ZNF462: variants seen among roughly 807,000 people sequenced by gnomAD.
ZNF462 encodes the protein zinc finger protein 462.
A neutral mutation model predicts 201.9 loss-of-function variants in ZNF462; 10 were observed. The observed-to-expected ratio is 0.05, with a 90% CI of 0.03 to 0.08. The LOEUF is 0.08. ZNF462 is among the 10% of genes least tolerant of loss of function. The probability of loss-of-function intolerance (pLI) is 1.00; values close to 1 mark genes in which losing one functional copy is unlikely to be tolerated. For missense variants in ZNF462, 2,523 were observed against 3,168.3 expected (o/e 0.80, Z 4.89); for synonymous variants, 1,227 against 1,193.3 (o/e 1.03, Z -0.58).
chr9:106,953,188 G>C (rs1831428870), intron 7 of ZNF462, among the ~76,000 whole-genome samples: 1 of 152,192 alleles, frequency 6.6e-6, no homozygotes. Flanking sequence ...TAAACTGCTA[G>C]ACTCAGTGTT....
intron 1 of ZNF462, among the ~76,000 whole-genome samples, chr9:106,868,807 T>C (rs1156543482): frequency 6.6e-6 from 1 of 152,186 alleles, no homozygotes; most frequent in Non-Finnish European, 1.5e-5. Flanking sequence ...GGTTGTGAAA[T>C]AGCTGCTCTC....
chr9:107,000,477 G>C (rs909272315), intron 10 of ZNF462, among the ~76,000 whole-genome samples: 3 of 152,146 alleles, frequency 2.0e-5, no homozygotes, highest in South Asian at 4.2e-4. Flanking sequence ...ATGTGGAAAA[G>C]AGTCTTCCTT....
rs527952287 is a variant in ZNF462, at chr9:106,977,935, A to G, written c.6832+3662A>G. ...TGTTGACAGAGCTGTGTTTCCTCTG[A>G]AGGCACAAGAGAAGGATCCTTATTT... On this transcript the variant is annotated intron_variant, in intron 9 of 12. Coordinates refer to ENST00000277225, the MANE Select transcript of ZNF462 (RefSeq NM_021224.6). This position sits in a 1 kb window ranked among gnomAD's most constrained non-coding sequence, Gnocchi z 4.6. Among the ~76,000 whole-genome samples the G allele has an allele frequency of 2.0e-5, 3 of 151,714 alleles. No individual in the cohort carries two copies. The East Asian group carries it at 5.8e-4, about 29-fold the overall frequency.
Position 106,920,929 on chromosome 9 carries a change from T to C in ZNF462, c.-30-2425T>C, listed in dbSNP as rs1829964982. On this transcript the variant is annotated intron_variant, in intron 1 of 12. Transcript: ENST00000277225. The surrounding 1 kb of genome is among the most constrained non-coding windows in gnomAD (Gnocchi z 4.3). ...GCATTATTTCTAAAGGCTTGAAGTT[T>C]TGAAGGGAAGAGATTTTGTTTTCCT... Among the ~76,000 whole-genome samples, 1 of 152,166 alleles carries C rather than the reference T, an allele frequency of 6.6e-6. No individual in the cohort carries two copies. Among genetic ancestry groups the C allele is most frequent in the Non-Finnish European group, 1.5e-5 (1 of 68,032 alleles).
chr9:106,919,582 G>T lies in ZNF462; in HGVS notation c.-30-3772G>T, dbSNP rs954302808. Among the ~76,000 whole-genome samples, 1 of 152,130 alleles carries T rather than the reference G, an allele frequency of 6.6e-6. No homozygotes were observed. The highest frequency in any genetic ancestry group is 1.5e-5 in the Non-Finnish European group (1 of 68,020). The stretch of plus-strand genomic sequence containing the variant: ...AAGAGTTTGTCAAACATAAACAATT[G>T]GATTGTGGGTTTGCCCATCAAAACC... On this transcript the variant is annotated intron_variant, in intron 1 of 12. Transcript: ENST00000277225. The surrounding 1 kb of genome is among the most constrained non-coding windows in gnomAD (Gnocchi z 4.5).
chr9:107,006,693 G>A lies in ZNF462; in HGVS notation c.7190-2852G>A, dbSNP rs1399904064. Among the ~76,000 whole-genome samples, 1 of 151,990 alleles carries A rather than the reference G, an allele frequency of 6.6e-6. No individual in the cohort carries two copies. The highest frequency in any genetic ancestry group is 1.5e-5 in the Non-Finnish European group (1 of 68,022). ...ACTCACCCTCCTACCATGATGCCAG[G>A]GCTAAAGACTATGGGTTTGCGAAGG... On this transcript the variant is annotated intron_variant, in intron 11 of 12. Transcript: ENST00000277225. The surrounding 1 kb of genome is among the most constrained non-coding windows in gnomAD (Gnocchi z 4.3).
At chr9:106,907,614 T>C (rs1211395968) in intron 1 of ZNF462, among the ~76,000 whole-genome samples, 1 of 152,072 alleles carries the variant, frequency 6.6e-6, no homozygotes, top group Non-Finnish European at 1.5e-5. Flanking sequence ...ACTCCCTTTT[T>C]GTTGTTAATT....
In ZNF462 at chr9:106,938,183, G is replaced by A. The variant is rs148540041; in HGVS notation, c.6236-733G>A. Reference sequence around the variant, plus strand: ...TGGCATAAAATTAATTTTAAAAGTAGTGCTTATTTTTACTGAGAGGCAGTC... The same window carrying A: ...TGGCATAAAATTAATTTTAAAAGTAATGCTTATTTTTACTGAGAGGCAGTC... On this transcript the variant is annotated intron_variant, in intron 6 of 12. Coordinates refer to ENST00000277225, the MANE Select transcript of ZNF462 (RefSeq NM_021224.6). This position sits in a 1 kb window ranked among gnomAD's most constrained non-coding sequence, Gnocchi z 4.4. Among the ~76,000 whole-genome samples the A allele has an allele frequency of 6.9e-3, 1,058 of 152,290 alleles. 18 individuals carry two copies. Among genetic ancestry groups the A allele is most frequent in the African/African-American group, 0.024 (1,005 of 41,548 alleles).
Position 106,925,609 on chromosome 9 carries a change from C to T in ZNF462, c.1697C>T (p.Pro566Leu). ...CAGCCACTGCAGCAGCCACAGCCAC[C>T]ACAGCTGCAGCCACCACATCAGGTG... ...QPQPLQQPQP[P>L]QLQPPHQVPP... Residue 566 changes from proline to leucine, a missense_variant, in exon 3 of 13, where the codon CCA (proline) becomes CTA (leucine). By Grantham distance (98) the Pro-to-Leu change is moderately conservative. Transcript: ENST00000277225. This position sits in a 1 kb window ranked among gnomAD's most constrained non-coding sequence, Gnocchi z 7.9. 1.9e-6 allele frequency: 3 copies of T among 1,612,524 alleles called. No individual in the cohort carries two copies. The highest frequency in any genetic ancestry group is 2.2e-5 in the East Asian group (1 of 44,882).
At chr9:106,943,720 C>T (rs1349507323) in intron 7 of ZNF462, among the ~76,000 whole-genome samples, 2 of 152,136 alleles carry the variant, frequency 1.3e-5, no homozygotes, top group Non-Finnish European at 2.9e-5. Flanking sequence ...CCAATATGGA[C>T]AGTTAGGTAA....
chr9:106,940,017 G>A (rs550949599), intron 7 of ZNF462, among the ~76,000 whole-genome samples: 1 of 152,274 alleles, frequency 6.6e-6, no homozygotes, highest in Non-Finnish European at 1.5e-5. Flanking sequence ...AGGAATGACT[G>A]TCTCCCAAGA....
rs1463513657 is a variant in ZNF462, at chr9:106,924,247, T to A, written c.335T>A (p.Phe112Tyr). 17 of 1,614,024 alleles carry A rather than the reference T, an allele frequency of 1.1e-5. No homozygotes were observed. Among genetic ancestry groups the A allele is most frequent in the Non-Finnish European group, 1.4e-5 (16 of 1,180,034 alleles). ...ACAAACAAGTTTTTTCAATGCAAGT[T>A]CTGTGTACGCTACTTCAGGTCAAAA... ...KPTNKFFQCKFCVRYFRSKNL... is the reference protein window; with the variant it reads ...KPTNKFFQCKYCVRYFRSKNL... Residue 112 changes from phenylalanine (F) to tyrosine (Y), a missense_variant, in exon 3 of 13, where the codon TTC becomes TAC. Transcript: ENST00000277225. This position sits in a 1 kb window ranked among gnomAD's most constrained non-coding sequence, Gnocchi z 6.2.
At chr9:106,878,603 A>G (rs1641461750) in intron 1 of ZNF462, among the ~76,000 whole-genome samples, 1 of 152,166 alleles carries the variant, frequency 6.6e-6, no homozygotes, top group South Asian at 2.1e-4. Context: ...TCTCTATCAC[A>G]GTTGTGTTAG....
intron 1 of ZNF462, among the ~76,000 whole-genome samples, chr9:106,922,173 G>A (rs1393921068): frequency 2.0e-5 from 3 of 152,142 alleles, no homozygotes; most frequent in Non-Finnish European, 2.9e-5. Flanking sequence ...CATTGGCTAC[G>A]GTGTTAGTTC....
rs1287817144 is a variant in ZNF462, at chr9:106,913,604, AC to A, written c.-30-9749del. On this transcript the variant is annotated intron_variant, in intron 1 of 12. Coordinates refer to ENST00000277225, the MANE Select transcript of ZNF462 (RefSeq NM_021224.6). This position sits in a 1 kb window ranked among gnomAD's most constrained non-coding sequence, Gnocchi z 4.1. ...TCAGAGGTCACATGCTAAAGACTTA[AC>A]TTTTTTTTTTTTGAGACAATCTCAT... Among the ~76,000 whole-genome samples the A allele has an allele frequency of 7.1e-6, 1 of 141,552 alleles. No homozygotes were observed. The highest frequency in any genetic ancestry group is 1.5e-5 in the Non-Finnish European group (1 of 66,200). 92.9% of individuals were successfully genotyped at this position (141,552 alleles called of 152,430 possible).
Position 107,010,896 on chromosome 9 carries a change from A to T in ZNF462, c.7387A>T (p.Met2463Leu). 6.2e-7 allele frequency: 1 copy of T among 1,613,686 alleles called. No homozygotes were observed. Among genetic ancestry groups the T allele is most frequent in the Non-Finnish European group, 8.5e-7 (1 of 1,179,834 alleles). ...AGAGATCATGGAGAACAGTGTTAAA[A>T]TGCCCTCCATAGAGGAAAAGGAAGA... Reference protein sequence around the residue: ...PKEIMENSVKMPSIEEKEDDE... With the variant: ...PKEIMENSVKLPSIEEKEDDE... The change falls in exon 13 of 13, where the codon ATG (methionine) becomes TTG (leucine). Residue 2463 changes from methionine (M) to leucine (L), a missense_variant. This residue lies in a region of ZNF462 where 67 missense variants were observed against 63.2 expected (regional missense o/e 1.06). Transcript: ENST00000277225. This position sits in a 1 kb window ranked among gnomAD's most constrained non-coding sequence, Gnocchi z 4.6.
rs746669103 is a variant in ZNF462 at position 106,938,906 on chromosome 9, C to T, written c.6236-10C>T. 11 of 1,594,332 alleles carry T rather than the reference C, an allele frequency of 6.9e-6. No homozygotes were observed. The highest frequency in any genetic ancestry group is 6.0e-6 in the Non-Finnish European group (7 of 1,169,806). ...TTCCTGTTCTATTTCTTGTCACCAT[C>T]CTCTTCCAGGTGAGCATGCCTACAA... On this transcript the variant is annotated splice_polypyrimidine_tract_variant and intron_variant, in intron 6 of 12. Coordinates refer to ENST00000277225, the MANE Select transcript of ZNF462 (RefSeq NM_021224.6). The surrounding 1 kb of genome is among the most constrained non-coding windows in gnomAD (Gnocchi z 4.4).
chr9:106,945,920 A>G (rs1831085053), intron 7 of ZNF462, among the ~76,000 whole-genome samples: 1 of 152,190 alleles, frequency 6.6e-6, no homozygotes, highest in Non-Finnish European at 1.5e-5. Context: ...CTGAACTCAA[A>G]GGTCACGTGA....
intron 1 of ZNF462, among the ~76,000 whole-genome samples, chr9:106,894,364 C>T (rs1170524214): frequency 1.3e-5 from 2 of 152,170 alleles, no homozygotes; most frequent in African/African-American, 2.4e-5. Context: ...AACTTTGTAT[C>T]TCTATTACAG....
Sources: allele counts gnomAD v4.1 joint callset (sites outside exome capture counted in the v4.1 genomes callset), GRCh38; gene constraint gnomAD v4.1.1; regional missense constraint gnomAD v4.1.1; non-coding constraint Gnocchi (gnomAD v3.1); transcripts MANE v1.5; gene names NCBI Gene and HGNC (gene_info 2026-07-23, HGNC 2026-07-21).